The following PHIP variants were observed in gnomAD, a reference collection of about 807,000 sequenced individuals.
PHIP encodes the protein PH-interacting protein.
PHIP carries 54 observed loss-of-function variants against 236.8 expected under a neutral mutation model. The ratio of observed to expected loss-of-function variants is 0.23; its 90% CI spans 0.18 to 0.29. PHIP has a LOEUF of 0.29. Among genes scored for constraint, PHIP ranks in the 10% least tolerant of loss-of-function variants. The pLI, the probability that PHIP is intolerant of heterozygous loss-of-function variation, is 1.00. For missense variants in PHIP, 1,370 were observed against 2,190.8 expected (o/e 0.63, Z 7.48); for synonymous variants, 756 against 718.9 (o/e 1.05, Z -0.83).
intron 31 of PHIP, among the ~76,000 whole-genome samples, 175 bp downstream of exon 31, chr6:78,961,515 G>A (rs1305469958): frequency 1.3e-5 from 2 of 152,008 alleles, no homozygotes; most frequent in African/African-American, 4.8e-5. Context: ...TAGAAATGCA[G>A]AATCTCAGGT....
chr6:79,069,495 T>TA (rs1773787277), intron 4 of PHIP, among the ~76,000 whole-genome samples: 1 of 151,998 alleles, frequency 6.6e-6, no homozygotes, highest in African/African-American at 2.4e-5. Flanking sequence ...ATTTCATACA[T>TA]AAAGAAAACT....
chr6:78,961,788 G>T lies in PHIP; in HGVS notation c.3558C>A (p.Ala1186=), dbSNP rs1215012036. 1 of 1,610,386 alleles carries T rather than the reference G, an allele frequency of 6.2e-7. No individual in the cohort carries two copies. Among genetic ancestry groups the T allele is most frequent in the Non-Finnish European group, 8.5e-7 (1 of 1,177,498 alleles). The change falls in exon 31 of 40, where the codon GCC becomes GCA. Residue 1186 remains alanine, a synonymous_variant. Transcript: ENST00000275034. The stretch of plus-strand genomic sequence containing the variant: ...TGGGATAGGCTTGCAGATCCACGGG[G>T]GCCACAAATGCTGAGGCAATATCTA... ...MTLDIASAFV[A]PVDLQAYPMY... is the part of the protein sequence containing the mutation.
intron 17 of PHIP, among the ~76,000 whole-genome samples, chr6:79,000,909 G>A (rs565017047): frequency 7.2e-5 from 11 of 152,120 alleles, no homozygotes; most frequent in African/African-American, 2.2e-4. Context: ...CTAAGTGGAC[G>A]TGTCTAATTC....
chr6:79,069,908 A>G (rs1036710941), intron 4 of PHIP, among the ~76,000 whole-genome samples: 4 of 152,140 alleles, frequency 2.6e-5, no homozygotes, highest in Non-Finnish European at 4.4e-5. Flanking sequence ...CATTTAGATA[A>G]TAATTCAGTT....
At chr6:79,062,317 A>G (rs568693501) in intron 4 of PHIP, among the ~76,000 whole-genome samples, 34 of 152,312 alleles carry the variant, frequency 2.2e-4, no homozygotes, top group African/African-American at 7.0e-4. Context: ...AAACACTAGT[A>G]TGATTAGCTA....
intron 6 of PHIP, among the ~76,000 whole-genome samples, chr6:79,050,191 AC>A (rs992703336): frequency 1.3e-5 from 2 of 152,182 alleles, no homozygotes; most frequent in Non-Finnish European, 1.5e-5. Context: ...ACAATACATA[AC>A]AAGGAGAGGA....
At chr6:79,030,382 A>C in intron 7 of PHIP, among the ~76,000 whole-genome samples, 1 of 152,206 alleles carries the variant, frequency 6.6e-6, no homozygotes, top group Non-Finnish European at 1.5e-5. Flanking sequence ...CTAAGTAGTC[A>C]TTTCTTTTCA....
chr6:79,023,870 C>A (rs530539353), intron 9 of PHIP, among the ~76,000 whole-genome samples: 1 of 152,268 alleles, frequency 6.6e-6, no homozygotes, highest in East Asian at 1.9e-4. Flanking sequence ...CCAATTTGAA[C>A]ATTGCTAATC....
rs1028874007 is a variant in PHIP at position 79,042,312 on chromosome 6, T to C, written c.600+531A>G. 3.3e-5 allele frequency among the ~76,000 whole-genome samples: 5 copies of C among 151,994 alleles called. No homozygotes were observed. In the East Asian group the frequency reaches 5.8e-4, roughly 18 times the overall value. On this transcript the variant is annotated intron_variant, in intron 7 of 39. Transcript: ENST00000275034. ...GAGGCTCTATAAACAAAACATCAGA[T>C]ATTTTGAAGAATGAACTGTTAAGAA...
rs1461534973 is a variant in PHIP, at chr6:78,951,202, T to A, written c.4054-3427A>T. 2.6e-5 allele frequency among the ~76,000 whole-genome samples: 4 copies of A among 152,308 alleles called. No individual in the cohort carries two copies. In the East Asian group the frequency reaches 5.8e-4, roughly 22 times the overall value. On this transcript the variant is annotated intron_variant, in intron 35 of 39. Coordinates refer to ENST00000275034, the MANE Select transcript of PHIP (RefSeq NM_017934.7). ...TGGGCAAAATATAAAAATGATTTTTTAAAATGTTTTGCAATATTTTGGTTA... is the reference window on the plus strand; with the variant it reads ...TGGGCAAAATATAAAAATGATTTTTAAAAATGTTTTGCAATATTTTGGTTA...
chr6:78,974,521 A>G (rs565404063), intron 24 of PHIP, among the ~76,000 whole-genome samples: 1 of 151,832 alleles, frequency 6.6e-6, no homozygotes, highest in African/African-American at 2.4e-5. Flanking sequence ...AGAAATAACT[A>G]AGATCAGAGC....
At chr6:78,972,275 C>T (rs1293947599) in intron 24 of PHIP, among the ~76,000 whole-genome samples, 1 of 152,168 alleles carries the variant, frequency 6.6e-6, no homozygotes, top group East Asian at 1.9e-4. Context: ...CACACTGACA[C>T]CTCACACTGC....
chr6:78,946,178 T>C lies in PHIP; in HGVS notation c.4453A>G (p.Ile1485Val), dbSNP rs1411975133. 8 of 1,614,036 alleles carry C rather than the reference T, an allele frequency of 5.0e-6. No homozygotes were observed. The highest frequency in any genetic ancestry group is 6.8e-6 in the Non-Finnish European group (8 of 1,179,876). ...TSAFSTPTRS[I>V]PPRHNAAQIN... The stretch of plus-strand genomic sequence containing the variant: ...TGAGCAGCATTGTGTCTTGGCGGTA[T>C]TGATCGTGTAGGTGTAGAGAATGCA... Residue 1485 changes from isoleucine (I) to valine (V), a missense_variant, in exon 38 of 40, where the codon ATA becomes GTA. Transcript: ENST00000275034.
At chr6:79,070,251 CGTT>C (rs1562224578) in intron 4 of PHIP, among the ~76,000 whole-genome samples, 1 of 152,076 alleles carries the variant, frequency 6.6e-6, no homozygotes, top group African/African-American at 2.4e-5. Flanking sequence ...ATTAGTAAAA[CGTT>C]AAACTCAAAT....
intron 19 of PHIP, among the ~76,000 whole-genome samples, chr6:78,992,260 C>A (rs746416729): frequency 3.9e-5 from 6 of 151,952 alleles, no homozygotes; most frequent in Non-Finnish European, 7.4e-5. Flanking sequence ...ACCGCGCCGG[C>A]CCAAAATGGT....
chr6:78,961,627 C>G (rs976297930), intron 31 of PHIP, 63 bp downstream of exon 31: 9 of 1,546,398 alleles, frequency 5.8e-6, no homozygotes, highest in Non-Finnish European at 8.9e-7. Flanking sequence ...TGCTAAAGAT[C>G]AGTAAATGGG....
At chr6:78,946,966 A>T in intron 36 of PHIP, 92 bp from the exon 37 acceptor site, 1 of 680,154 alleles carries the variant, frequency 1.5e-6, no homozygotes, top group Non-Finnish European at 2.4e-6. Context: ...TTCCAGTAAA[A>T]AATATTTAGA....
chr6:78,960,023 C>A (rs958004888), intron 31 of PHIP, among the ~76,000 whole-genome samples: 3 of 152,112 alleles, frequency 2.0e-5, no homozygotes, highest in African/African-American at 4.8e-5. Flanking sequence ...CTCATGATCA[C>A]GTGGCTGACT....
At chr6:79,061,614 T>C (rs116691330) in intron 4 of PHIP, among the ~76,000 whole-genome samples, 2,954 of 152,204 alleles carry the variant, frequency 0.019, 89 homozygotes, top group African/African-American at 0.067. Context: ...GTTACTTATA[T>C]TAAAATAAGA....
Sources: gnomAD v4.1 joint callset for allele counts (sites outside exome capture counted in the v4.1 genomes callset) on GRCh38, gnomAD v4.1.1 for gene constraint, MANE v1.5 for transcripts, NCBI Gene and HGNC (gene_info 2026-07-23, HGNC 2026-07-21) for gene names.